Variants in CNTNAP2 observed in about 807,000 individuals in gnomAD.
CNTNAP2 encodes contactin associated protein 2.
A neutral mutation model predicts 155.2 loss-of-function variants in CNTNAP2; 98 were observed. That is an observed-to-expected ratio of 0.63 (90% CI 0.54 to 0.75). The LOEUF is 0.75. Among genes scored for constraint, CNTNAP2 ranks in the 30% least tolerant of loss-of-function variants. The pLI, the probability that CNTNAP2 is intolerant of heterozygous loss-of-function variation, is 0.00. For synonymous variants in CNTNAP2, 651 were observed against 631.2 expected (o/e 1.03, Z -0.47); for missense variants, 1,727 against 1,688.1 (o/e 1.02, Z -0.40).
chr7:146,406,199 A>G (rs1795789255), intron 1 of CNTNAP2, among the ~76,000 whole-genome samples: 1 of 152,218 alleles, frequency 6.6e-6, no homozygotes, highest in South Asian at 2.1e-4. Flanking sequence ...TATAGCCTAT[A>G]TTTAAATCTC....
At chr7:146,533,301 A>C (rs770829825) in intron 1 of CNTNAP2, among the ~76,000 whole-genome samples, 3 of 152,110 alleles carry the variant, frequency 2.0e-5, no homozygotes, top group Non-Finnish European at 4.4e-5. Flanking sequence ...TGCCCACATA[A>C]ATCTACCTAT....
chr7:146,903,859 G>C (rs1796058526), intron 3 of CNTNAP2, among the ~76,000 whole-genome samples: 2 of 152,116 alleles, frequency 1.3e-5, no homozygotes, highest in Admixed American at 1.3e-4. Context: ...TAAAAGAATA[G>C]ATTGTTAACA....
rs767016796 is a variant in CNTNAP2, at chr7:146,435,472, G to A, written c.97+318499G>A. ...GCCTTTGTAAGCGTAGAGTTTGTAC[G>A]AACAAATGATATGAAATCAGTTAGA... is the stretch of plus-strand genomic sequence containing the variant. On this transcript the variant is annotated intron_variant, in intron 1 of 23. Transcript: ENST00000361727. Among the ~76,000 whole-genome samples, 64 of 152,236 alleles carry A rather than the reference G, an allele frequency of 4.2e-4. 1 individual carries two copies. Among genetic ancestry groups the A allele is most frequent in the East Asian group, 2.1e-3 (11 of 5,170 alleles).
At chr7:147,167,774 C>T (rs192697824) in intron 8 of CNTNAP2, among the ~76,000 whole-genome samples, 3 of 152,174 alleles carry the variant, frequency 2.0e-5, no homozygotes, top group East Asian at 3.9e-4. Context: ...TTGTTTGGAC[C>T]TGCATATTGA....
intron 13 of CNTNAP2, among the ~76,000 whole-genome samples, chr7:147,761,815 C>G (rs1797302851): frequency 6.6e-6 from 1 of 152,096 alleles, no homozygotes; most frequent in Non-Finnish European, 1.5e-5. Flanking sequence ...TAATGATGAT[C>G]TAATGAATCC....
intron 15 of CNTNAP2, among the ~76,000 whole-genome samples, chr7:147,996,861 G>T (rs1321760115): frequency 6.6e-6 from 1 of 152,128 alleles, no homozygotes; most frequent in Non-Finnish European, 1.5e-5. Flanking sequence ...CACTGCTATG[G>T]TCTGTTTTTG....
chr7:146,305,765 A>G (rs1421942264), intron 1 of CNTNAP2, among the ~76,000 whole-genome samples: 2 of 152,148 alleles, frequency 1.3e-5, no homozygotes, highest in East Asian at 3.9e-4. Flanking sequence ...GGGGAAATTT[A>G]TAGCACTAAA....
intron 13 of CNTNAP2, among the ~76,000 whole-genome samples, chr7:147,679,809 TC>T (rs1271688377): frequency 1.3e-5 from 2 of 151,918 alleles, no homozygotes; most frequent in African/African-American, 4.8e-5. Flanking sequence ...TAGTATCACG[TC>T]AGGATCATAA....
intron 3 of CNTNAP2, among the ~76,000 whole-genome samples, chr7:146,872,996 A>G (rs915998742): frequency 2.6e-5 from 4 of 152,182 alleles, no homozygotes; most frequent in African/African-American, 9.6e-5. Flanking sequence ...CTTGTTTCCA[A>G]TATTTTACTG....
chr7:147,856,629 C>CTTTT (rs3055148), intron 13 of CNTNAP2, among the ~76,000 whole-genome samples: 12 of 145,302 alleles, frequency 8.3e-5, no homozygotes, highest in Admixed American at 4.1e-4. Context: ...ATTAGTTTGG[C>CTTTT]TTTTTTTTTT....
chr7:146,193,240 C>T (rs1450314925), intron 1 of CNTNAP2, among the ~76,000 whole-genome samples: 2 of 152,192 alleles, frequency 1.3e-5, no homozygotes, highest in African/African-American at 4.8e-5. Context: ...GATGGTGGCC[C>T]TCTTCTCACA....
intron 3 of CNTNAP2, among the ~76,000 whole-genome samples, chr7:146,919,645 C>G (rs1051543865): frequency 2.0e-5 from 3 of 152,166 alleles, no homozygotes; most frequent in African/African-American, 7.2e-5. Flanking sequence ...GTTACATGCT[C>G]TGGTTTTGCT....
intron 1 of CNTNAP2, among the ~76,000 whole-genome samples, chr7:146,449,969 C>T (rs527792952): frequency 3.4e-4 from 52 of 152,160 alleles, no homozygotes; most frequent in Non-Finnish European, 5.9e-4. Flanking sequence ...GCCTAGTTAT[C>T]AGTCCACTAT....
At chr7:146,586,009 A>AAGC (rs1563145393) in intron 1 of CNTNAP2, among the ~76,000 whole-genome samples, 1 of 128,094 alleles carries the variant, frequency 7.8e-6, no homozygotes, top group Non-Finnish European at 1.6e-5. Context: ...TGTCTCAAAA[A>AAGC]AACAACAACA....
At chr7:146,822,087 G>A (rs757666584) in intron 2 of CNTNAP2, among the ~76,000 whole-genome samples, 23 of 152,096 alleles carry the variant, frequency 1.5e-4, no homozygotes, top group Non-Finnish European at 2.8e-4. Context: ...GTCCAGCAAC[G>A]ATAGACTGGA....
At chr7:146,708,611 T>TTC (rs1801008242) in intron 1 of CNTNAP2, among the ~76,000 whole-genome samples, 1 of 136,792 alleles carries the variant, frequency 7.3e-6, no homozygotes, top group Non-Finnish European at 1.6e-5. Flanking sequence ...TTTTTTTTTT[T>TTC]TTTGAGATGG....
intron 16 of CNTNAP2, among the ~76,000 whole-genome samples, chr7:148,125,150 A>G (rs367740876): frequency 2.6e-5 from 4 of 152,232 alleles, no homozygotes; most frequent in Middle Eastern, 6.8e-3. Context: ...CCTAAAATGA[A>G]CGTAAGAAGA....
At chr7:146,155,892 T>C (rs112549853) in intron 1 of CNTNAP2, among the ~76,000 whole-genome samples, 2,821 of 151,742 alleles carry the variant, frequency 0.019, 80 homozygotes, top group African/African-American at 0.063. Context: ...TTAGTTAAGA[T>C]GGGGTTTCAC....
intron 8 of CNTNAP2, among the ~76,000 whole-genome samples, chr7:147,180,123 A>G (rs1308084824): frequency 1.3e-5 from 2 of 152,136 alleles, no homozygotes; most frequent in African/African-American, 2.4e-5. Context: ...GGGACCAGGA[A>G]GGTGCACACA....
Sources: gnomAD v4.1 joint callset for allele counts (sites outside exome capture counted in the v4.1 genomes callset) on GRCh38, gnomAD v4.1.1 for gene constraint, MANE v1.5 for transcripts, NCBI Gene and HGNC (gene_info 2026-07-23, HGNC 2026-07-21) for gene names.